NTM: variants seen among roughly 807,000 people sequenced by gnomAD.
NTM encodes the protein neurotrimin, also known as IgLON family member 2.
NTM carries 13 observed loss-of-function variants against 42.1 expected under a neutral mutation model. The ratio of observed to expected loss-of-function variants is 0.31; its 90% CI spans 0.20 to 0.49. The LOEUF is 0.49. Among genes scored for constraint, NTM ranks in the 20% least tolerant of loss-of-function variants. The pLI is 0.99. For missense variants in NTM, 373 were observed against 452.8 expected, an observed-to-expected ratio of 0.82 and a Z score of 1.60; for synonymous variants, 187 against 179.2, an observed-to-expected ratio of 1.04 and a Z score of -0.35.
intron 3 of NTM, among the ~76,000 whole-genome samples, chr11:132,164,532 A>G (rs2074952717): frequency 6.6e-6 from 1 of 152,202 alleles, no homozygotes; most frequent in Non-Finnish European, 1.5e-5. Flanking sequence ...GATGTGTGCT[A>G]TGTAAATGCA....
intron 4 of NTM, among the ~76,000 whole-genome samples, chr11:132,262,064 C>A (rs1483065217): frequency 6.6e-6 from 1 of 152,202 alleles, no homozygotes; most frequent in Non-Finnish European, 1.5e-5. Context: ...GTTTTACTGG[C>A]ATCCTCCACC....
At chr11:131,399,772 G>C (rs188447033) in intron 1 of NTM, among the ~76,000 whole-genome samples, 17 of 152,216 alleles carry the variant, frequency 1.1e-4, no homozygotes, top group African/African-American at 4.1e-4. Context: ...GGACTCTTGG[G>C]ACTCTGCACC....
intron 4 of NTM, among the ~76,000 whole-genome samples, chr11:132,252,615 G>C (rs543394170): frequency 3.9e-5 from 6 of 152,318 alleles, no homozygotes; most frequent in African/African-American, 1.2e-4. Context: ...ATAAAAGAGA[G>C]AGAAAAACAA....
chr11:131,659,084 CCCT>C (rs1291906922), intron 1 of NTM, among the ~76,000 whole-genome samples: 1 of 152,142 alleles, frequency 6.6e-6, no homozygotes, highest in Non-Finnish European at 1.5e-5. Context: ...GGTATCAGTT[CCCT>C]CCCTCAGGGT....
chr11:132,235,066 TC>T (rs2088513679), intron 4 of NTM, among the ~76,000 whole-genome samples: 1 of 152,194 alleles, frequency 6.6e-6, no homozygotes, highest in Admixed American at 6.5e-5. Flanking sequence ...ATCTGAAGAC[TC>T]TGTTGTAGCA....
At chr11:131,897,365 G>A (rs973571845) in intron 1 of NTM, among the ~76,000 whole-genome samples, 2 of 152,214 alleles carry the variant, frequency 1.3e-5, no homozygotes, top group African/African-American at 4.8e-5. Flanking sequence ...ATCTACCAGT[G>A]AGCAAAGGGT....
At chr11:131,424,398 C>T (rs1947838132) in intron 1 of NTM, among the ~76,000 whole-genome samples, 1 of 151,882 alleles carries the variant, frequency 6.6e-6, no homozygotes, top group Non-Finnish European at 1.5e-5. Context: ...AGCTGAATTT[C>T]AGTTTCTCAG....
At chr11:132,139,862 T>A (rs927857255) in intron 2 of NTM, among the ~76,000 whole-genome samples, 30 of 152,200 alleles carry the variant, frequency 2.0e-4, no homozygotes, top group African/African-American at 7.2e-4. Context: ...TGTGCCTACG[T>A]TGTACTCTAC....
intron 2 of NTM, among the ~76,000 whole-genome samples, chr11:132,020,621 C>A (rs1265432152): frequency 3.1e-5 from 4 of 130,808 alleles, no homozygotes; most frequent in African/African-American, 1.3e-4. Context: ...TGAATTTATC[C>A]CTCATATTTG....
At chr11:131,568,791 T>A (rs2057151556) in intron 1 of NTM, among the ~76,000 whole-genome samples, 1 of 152,210 alleles carries the variant, frequency 6.6e-6, no homozygotes, top group Non-Finnish European at 1.5e-5. Flanking sequence ...AATTAGAATA[T>A]GAGGGGGCCT....
chr11:132,070,586 G>A (rs1353476517), intron 2 of NTM, among the ~76,000 whole-genome samples: 5 of 121,288 alleles, frequency 4.1e-5, no homozygotes, highest in African/African-American at 6.4e-5. Flanking sequence ...AAGTTAACAC[G>A]TCAAACTGAC....
At chr11:131,857,964 C>G (rs1440049070) in intron 1 of NTM, among the ~76,000 whole-genome samples, 5 of 151,996 alleles carry the variant, frequency 3.3e-5, no homozygotes, top group African/African-American at 1.2e-4. Context: ...CCTGACAGCT[C>G]TCCCCCTTTC....
At chr11:132,258,892 A>G (rs1478378194) in intron 4 of NTM, among the ~76,000 whole-genome samples, 2 of 152,268 alleles carry the variant, frequency 1.3e-5, no homozygotes, top group South Asian at 2.1e-4. Context: ...CTGAATGTTC[A>G]GTTCAATTCA....
intron 1 of NTM, chr11:131,535,455 A>C (rs1194849088): frequency 6.6e-6 from 1 of 152,218 alleles, no homozygotes; most frequent in Non-Finnish European, 1.5e-5. Context: ...TCTGACCATA[A>C]AACAAGCAAA....
At chr11:132,318,927 G>A (rs2095497400) in intron 7 of NTM, among the ~76,000 whole-genome samples, 1 of 152,198 alleles carries the variant, frequency 6.6e-6, no homozygotes, top group South Asian at 2.1e-4. Flanking sequence ...TTTTTATCAT[G>A]GAAAGAGTGA....
intron 4 of NTM, among the ~76,000 whole-genome samples, chr11:132,307,122 G>A (rs141274329): frequency 6.6e-6 from 1 of 152,208 alleles, no homozygotes; most frequent in African/African-American, 2.4e-5. Context: ...TCGAAGTTTA[G>A]CACGTTGATT....
At chr11:131,568,796 G>A (rs1196537219) in intron 1 of NTM, among the ~76,000 whole-genome samples, 1 of 152,158 alleles carries the variant, frequency 6.6e-6, no homozygotes, top group Non-Finnish European at 1.5e-5. Flanking sequence ...GAATATGAGG[G>A]GGCCTTAGTA....
chr11:131,780,825 G>A (rs943000956), intron 1 of NTM, among the ~76,000 whole-genome samples: 8 of 152,108 alleles, frequency 5.3e-5, no homozygotes, highest in Non-Finnish European at 1.0e-4. Context: ...CTGTGATGGA[G>A]GAAAATCCAC....
chr11:131,607,480 A>T (rs765750107), intron 1 of NTM, among the ~76,000 whole-genome samples: 11 of 152,290 alleles, frequency 7.2e-5, no homozygotes, highest in South Asian at 2.1e-4. Flanking sequence ...GGGCCAATTA[A>T]TCCCAATCAT....
Sources: gnomAD v4.1 joint callset for allele counts (sites outside exome capture counted in the v4.1 genomes callset) on GRCh38, gnomAD v4.1.1 for gene constraint, MANE v1.5 for transcripts, NCBI Gene and HGNC (gene_info 2026-07-23, HGNC 2026-07-21) for gene names.